ZNF385D: variants seen among roughly 807,000 people sequenced by gnomAD.
ZNF385D encodes zinc finger protein 659.
A neutral mutation model predicts 35.8 loss-of-function variants in ZNF385D; 15 were observed. That is an observed-to-expected ratio of 0.42 (90% confidence interval 0.28 to 0.64). ZNF385D has a LOEUF of 0.64. Among genes scored for constraint, ZNF385D ranks in the 30% least tolerant of loss-of-function variants. ZNF385D has a pLI of 0.23. For missense variants in ZNF385D, 474 were observed against 494.6 expected (o/e 0.96, Z 0.39); for synonymous variants, 212 against 186.8 (o/e 1.13, Z -1.10).
intron 2 of ZNF385D, among the ~76,000 whole-genome samples, chr3:22,215,502 C>G (rs1237312222): frequency 6.6e-6 from 1 of 152,110 alleles, no homozygotes; most frequent in East Asian, 1.9e-4. Context: ...AAGCCCCAGT[C>G]TCCCATAGTG....
At chr3:22,127,790 T>C (rs1337606677) in intron 3 of ZNF385D, among the ~76,000 whole-genome samples, 1 of 152,186 alleles carries the variant, frequency 6.6e-6, no homozygotes, top group Non-Finnish European at 1.5e-5. Flanking sequence ...TTCTACACTT[T>C]AACTTCACCT....
At chr3:22,336,908 T>TTAA (rs1559527421) in intron 2 of ZNF385D, among the ~76,000 whole-genome samples, 1 of 1,056 alleles carries the variant, frequency 9.5e-4, no homozygotes, top group Non-Finnish European at 5.3e-3. Context: ...CAGTGATTTT[T>TTAA]CAAAAAAAAA....
chr3:21,932,780 G>A (rs1189794403), intron 3 of ZNF385D, among the ~76,000 whole-genome samples: 1 of 152,044 alleles, frequency 6.6e-6, no homozygotes, highest in Non-Finnish European at 1.5e-5. Flanking sequence ...GTCCCAGAAA[G>A]TGCTACAGAA....
chr3:21,612,425 A>T (rs778773224), intron 2 of ZNF385D, among the ~76,000 whole-genome samples: 3 of 152,118 alleles, frequency 2.0e-5, no homozygotes, highest in Non-Finnish European at 4.4e-5. Flanking sequence ...CTATTCTCAG[A>T]TAAAGAAACT....
chr3:21,804,804 A>AG (rs2072562625), intron 3 of ZNF385D, among the ~76,000 whole-genome samples: 1 of 152,210 alleles, frequency 6.6e-6, no homozygotes, highest in Non-Finnish European at 1.5e-5. Flanking sequence ...CAAATAATGA[A>AG]GGTTAGTTCA....
rs917249326 is a variant in ZNF385D at position 21,589,755 on chromosome 3, G to A, written c.166-25071C>T. Among the ~76,000 whole-genome samples, 3 of 151,590 alleles carry A rather than the reference G, an allele frequency of 2.0e-5. No individual in the cohort carries two copies. The East Asian group carries it at 5.8e-4, about 29-fold the overall frequency. On this transcript the variant is annotated intron_variant, in intron 2 of 7. Transcript: ENST00000281523. ...ACATAAAATTCTTCTTAGTATCTAG[G>A]ATATTTAGTGAAAAAAAATCAAAAT...
At chr3:21,699,992 C>T (rs1269377438) in intron 1 of ZNF385D, among the ~76,000 whole-genome samples, 1 of 151,838 alleles carries the variant, frequency 6.6e-6, no homozygotes, top group East Asian at 1.9e-4. Flanking sequence ...CCACCATGCC[C>T]AGCTAATTTT....
At chr3:22,179,855 C>A (rs1486130984) in intron 2 of ZNF385D, among the ~76,000 whole-genome samples, 2 of 151,920 alleles carry the variant, frequency 1.3e-5, no homozygotes, top group African/African-American at 4.8e-5. Flanking sequence ...AAATTGACAC[C>A]CTAACATCAC....
At chr3:21,944,933 T>C (rs1455664897) in intron 3 of ZNF385D, among the ~76,000 whole-genome samples, 1 of 152,116 alleles carries the variant, frequency 6.6e-6, no homozygotes, top group African/African-American at 2.4e-5. Flanking sequence ...TACTTCTTAA[T>C]GAGTTTTGTA....
intron 3 of ZNF385D, among the ~76,000 whole-genome samples, chr3:21,794,066 G>C (rs753266176): frequency 1.3e-5 from 2 of 152,158 alleles, no homozygotes; most frequent in Non-Finnish European, 2.9e-5. Flanking sequence ...AGAATGACCA[G>C]GGATGTAAAA....
chr3:21,482,480 T>C (rs1704698547), intron 4 of ZNF385D, among the ~76,000 whole-genome samples: 1 of 152,132 alleles, frequency 6.6e-6, no homozygotes, highest in Admixed American at 6.6e-5. Flanking sequence ...ATTCCCTAAG[T>C]CATCCTTGCC....
In ZNF385D at chr3:21,919,222, T is replaced by C. The variant is rs556223263; in HGVS notation, c.325+249595A>G. Among the ~76,000 whole-genome samples the C allele has an allele frequency of 1.1e-4, 16 of 152,200 alleles. 1 individual carries two copies. Among genetic ancestry groups the C allele is most frequent in the Non-Finnish European group, 2.2e-4 (15 of 68,038 alleles). On this transcript the variant is annotated intron_variant, in intron 3 of 5. Transcript: ENST00000494108. ...CCATTCATTCACCACACAAGTACTA[T>C]GGTCAACCATATATCAGGAACTGAG...
chr3:21,564,666 C>A lies in ZNF385D; in HGVS notation c.184G>T (p.Ala62Ser). 6.4e-7 allele frequency: 1 copy of A among 1,569,032 alleles called. No homozygotes were observed. The highest frequency in any genetic ancestry group is 1.2e-5 in the South Asian group (1 of 82,542). The change falls in exon 3 of 8, where the codon GCT becomes TCT. Residue 62 changes from alanine (A) to serine (S), a missense_variant. By Grantham distance (99) the Ala-to-Ser change is moderately conservative. Transcript: ENST00000281523. ...NFNAMDPIQKAVINHTFGVPL... is the reference protein window; with the variant it reads ...NFNAMDPIQKSVINHTFGVPL... ...ACCCCGAATGTATGGTTTATTACAGCTTTCTGAATCGGGTCCATCTGTAAT... is the reference window on the plus strand; with the variant it reads ...ACCCCGAATGTATGGTTTATTACAGATTTCTGAATCGGGTCCATCTGTAAT...
intron 1 of ZNF385D, among the ~76,000 whole-genome samples, chr3:21,722,327 T>C (rs1343625952): frequency 6.6e-6 from 1 of 152,194 alleles, no homozygotes; most frequent in African/African-American, 2.4e-5. Flanking sequence ...CAATAGACAT[T>C]TTGTAGGATG....
rs963227874 is a variant in ZNF385D, at chr3:21,416,760, A to C, written c.*4454T>G. The C allele has an allele frequency of 1.3e-5, 2 of 152,174 alleles. No individual in the cohort carries two copies. The highest frequency in any genetic ancestry group is 2.9e-5 in the Non-Finnish European group (2 of 68,024). The allele number at this position is 152,174 out of a possible 1,614,324, so 9.4% of individuals were successfully genotyped here. On this transcript the variant is annotated 3_prime_UTR_variant, in exon 8 of 8. Coordinates refer to ENST00000281523, the MANE Select transcript of ZNF385D (RefSeq NM_024697.3). ...TGTCTGTGGAAGAGATGGTCTTAATAAGGCAACCATTAGTTAAAATACATG... is the reference window on the plus strand; with the variant it reads ...TGTCTGTGGAAGAGATGGTCTTAATCAGGCAACCATTAGTTAAAATACATG...
chr3:22,272,207 C>T (rs1215073020), intron 2 of ZNF385D, among the ~76,000 whole-genome samples: 1 of 152,034 alleles, frequency 6.6e-6, no homozygotes, highest in East Asian at 1.9e-4. Context: ...AGGACTTTCA[C>T]ATTCAGCTAT....
intron 5 of ZNF385D, among the ~76,000 whole-genome samples, chr3:21,435,785 G>A (rs770024658): frequency 1.6e-4 from 24 of 152,316 alleles, no homozygotes; most frequent in Non-Finnish European, 3.1e-4. Context: ...GCAAGGTATA[G>A]ATTCTACCTT....
chr3:22,277,162 G>A (rs1173727660), intron 2 of ZNF385D, among the ~76,000 whole-genome samples: 1 of 152,054 alleles, frequency 6.6e-6, no homozygotes, highest in African/African-American at 2.4e-5. Context: ...AGTAAAAAAT[G>A]AAATAGAGAT....
At chr3:21,853,240 C>A (rs895177726) in intron 3 of ZNF385D, among the ~76,000 whole-genome samples, 3 of 151,744 alleles carry the variant, frequency 2.0e-5, no homozygotes, top group African/African-American at 7.2e-5. Context: ...TTATTGTTGG[C>A]AAGAGTGCCT....
Sources: allele counts gnomAD v4.1 joint callset (sites outside exome capture counted in the v4.1 genomes callset), GRCh38; gene constraint gnomAD v4.1.1; transcripts MANE v1.5; gene names NCBI Gene and HGNC (gene_info 2026-07-23, HGNC 2026-07-21).